Variants in KCNB2 observed in about 807,000 individuals in gnomAD.
KCNB2 encodes potassium voltage-gated channel subfamily B member 2.
KCNB2 carries 15 observed loss-of-function variants against 61.5 expected under a neutral mutation model. The observed-to-expected ratio is 0.24, with a 90% CI of 0.16 to 0.38. The LOEUF (loss-of-function observed/expected upper bound fraction) is 0.38, where lower values mean the gene tolerates loss of function less well. Ranked by LOEUF, KCNB2 falls within the 10% of genes least tolerant of loss-of-function variation. KCNB2 has a pLI of 1.00. For missense variants in KCNB2, 828 were observed against 1,125.2 expected, an observed-to-expected ratio of 0.74 and a Z score of 3.78; for synonymous variants, 457 against 446.0, an observed-to-expected ratio of 1.02 and a Z score of -0.31.
At chr8:72,657,565 A>G (rs1310863165) in intron 2 of KCNB2, among the ~76,000 whole-genome samples, 2 of 152,198 alleles carry the variant, frequency 1.3e-5, no homozygotes, top group Admixed American at 6.5e-5. Context: ...ACATTTATTC[A>G]TGAAATTCAC....
intron 2 of KCNB2, among the ~76,000 whole-genome samples, chr8:72,716,041 C>T (rs1807432249): frequency 1.3e-5 from 2 of 152,182 alleles, no homozygotes. Flanking sequence ...CATCTCTACG[C>T]AAATAAACTA....
intron 2 of KCNB2, among the ~76,000 whole-genome samples, chr8:72,706,689 A>C (rs1807231059): frequency 6.6e-6 from 1 of 152,254 alleles, no homozygotes; most frequent in South Asian, 2.1e-4. Flanking sequence ...ATTGTCTCAC[A>C]TATAATAAAA....
chr8:72,711,548 C>T lies in KCNB2; in HGVS notation c.579+143235C>T, dbSNP rs139760139. Among the ~76,000 whole-genome samples, 23 of 152,214 alleles carry T rather than the reference C, an allele frequency of 1.5e-4. No individual in the cohort carries two copies. In the East Asian group the frequency reaches 4.2e-3, roughly 28 times the overall value. Reference sequence around the variant, plus strand: ...CTCATTTTTCAAGATTCACAGGAGGCCTTTTAGAGAACATAATATTATATT... The same window carrying T: ...CTCATTTTTCAAGATTCACAGGAGGTCTTTTAGAGAACATAATATTATATT... On this transcript the variant is annotated intron_variant, in intron 2 of 2. Coordinates refer to ENST00000523207, the MANE Select transcript of KCNB2 (RefSeq NM_004770.3).
intron 2 of KCNB2, among the ~76,000 whole-genome samples, chr8:72,898,359 G>T (rs1046899616): frequency 6.6e-6 from 1 of 151,918 alleles, no homozygotes; most frequent in Non-Finnish European, 1.5e-5. Context: ...GAATTAATGG[G>T]TGCAGCACAC....
intron 2 of KCNB2, among the ~76,000 whole-genome samples, chr8:72,741,415 TTTC>T (rs1563576611): frequency 6.6e-6 from 1 of 152,162 alleles, no homozygotes; most frequent in Non-Finnish European, 1.5e-5. Flanking sequence ...ATATATTTCT[TTTC>T]TTATTATTAT....
Position 72,636,041 on chromosome 8 carries a change from G to T in KCNB2, c.579+67728G>T, listed in dbSNP as rs549973213. Among the ~76,000 whole-genome samples the T allele has an allele frequency of 1.2e-4, 19 of 152,234 alleles. No individual in the cohort carries two copies. In the South Asian group the frequency reaches 3.3e-3, roughly 27 times the overall value. On this transcript the variant is annotated intron_variant, in intron 2 of 2. Transcript: ENST00000523207. ...TTTACAGATCTGAAACGATTAGAAC[G>T]GTGCATGGCATTTATAAATGTGCCG...
At chr8:72,568,351 A>G (rs1806660074) in intron 2 of KCNB2, 38 bp downstream of exon 2, 9 of 1,519,218 alleles carry the variant, frequency 5.9e-6, no homozygotes, top group Non-Finnish European at 8.0e-6. Context: ...GTGTGTGGTC[A>G]GAAAAGATGC....
intron 2 of KCNB2, among the ~76,000 whole-genome samples, chr8:72,590,570 G>C (rs1411395750): frequency 6.6e-6 from 1 of 152,136 alleles, no homozygotes; most frequent in African/African-American, 2.4e-5. Context: ...TTTCATATGA[G>C]TATAGCAAGG....
chr8:72,694,422 A>G (rs901721870), intron 2 of KCNB2, among the ~76,000 whole-genome samples: 1 of 152,192 alleles, frequency 6.6e-6, no homozygotes, highest in Middle Eastern at 3.2e-3. Context: ...TGAATTTTAT[A>G]AAGAGAAATC....
At chr8:72,821,098 A>G (rs1809490614) in intron 2 of KCNB2, among the ~76,000 whole-genome samples, 1 of 152,158 alleles carries the variant, frequency 6.6e-6, no homozygotes, top group Non-Finnish European at 1.5e-5. Flanking sequence ...TTCATATCTC[A>G]AAAGGCGATA....
chr8:72,673,207 G>A (rs1232674376), intron 2 of KCNB2, among the ~76,000 whole-genome samples: 2 of 152,132 alleles, frequency 1.3e-5, no homozygotes, highest in Non-Finnish European at 2.9e-5. Flanking sequence ...GTGGTGATAT[G>A]GTTTGGCTAT....
chr8:72,748,612 GT>G (rs767782479), intron 2 of KCNB2, among the ~76,000 whole-genome samples: 31 of 62,800 alleles, frequency 4.9e-4, no homozygotes, highest in Middle Eastern at 0.013. Context: ...TTTTTTTGTT[GT>G]TTTTTTTTTT....
intron 2 of KCNB2, among the ~76,000 whole-genome samples, chr8:72,726,927 T>C (rs1807660163): frequency 6.6e-6 from 1 of 152,162 alleles, no homozygotes; most frequent in Non-Finnish European, 1.5e-5. Context: ...AGCCTCTTGA[T>C]GTACTAAGAG....
chr8:72,620,498 T>G (rs575588400), intron 2 of KCNB2, among the ~76,000 whole-genome samples: 72 of 152,318 alleles, frequency 4.7e-4, no homozygotes, highest in African/African-American at 1.7e-3. Flanking sequence ...TTCAGTGCCC[T>G]CTGAATCTTG....
chr8:72,741,924 T>C (rs1262425964), intron 2 of KCNB2, among the ~76,000 whole-genome samples: 1 of 152,176 alleles, frequency 6.6e-6, no homozygotes, highest in Non-Finnish European at 1.5e-5. Context: ...CTATGGAAAA[T>C]AGTATGGAGA....
chr8:72,882,619 C>G (rs536258258), intron 2 of KCNB2, among the ~76,000 whole-genome samples: 24 of 151,016 alleles, frequency 1.6e-4, no homozygotes, highest in Non-Finnish European at 2.9e-4. Flanking sequence ...TAGTGAGACC[C>G]AGTCGGTCGT....
At chr8:72,730,666 C>G (rs1412555319) in intron 2 of KCNB2, among the ~76,000 whole-genome samples, 1 of 152,014 alleles carries the variant, frequency 6.6e-6, no homozygotes, top group Non-Finnish European at 1.5e-5. Context: ...AATACTGAAC[C>G]TCCAAAGATA....
At chr8:72,655,457 T>A (rs1249112166) in intron 2 of KCNB2, among the ~76,000 whole-genome samples, 3 of 151,960 alleles carry the variant, frequency 2.0e-5, no homozygotes, top group Non-Finnish European at 1.5e-5. Context: ...ATAAATAAAT[T>A]AATAAATAAA....
chr8:72,796,815 C>G (rs534113298), intron 2 of KCNB2, among the ~76,000 whole-genome samples: 2 of 152,102 alleles, frequency 1.3e-5, no homozygotes, highest in African/African-American at 4.8e-5. Context: ...TGGTTTGTCA[C>G]CAAAATGATA....
Sources: gnomAD v4.1 joint callset for allele counts (sites outside exome capture counted in the v4.1 genomes callset) on GRCh38, gnomAD v4.1.1 for gene constraint, MANE v1.5 for transcripts, NCBI Gene and HGNC (gene_info 2026-07-23, HGNC 2026-07-21) for gene names.